EHD2: variants seen among roughly 807,000 people sequenced by gnomAD.
EHD2 encodes EH domain containing 2.
EHD2 carries 27 observed loss-of-function variants against 41.0 expected under a neutral mutation model. The observed-to-expected ratio is 0.66, with a 90% CI of 0.49 to 0.91. EHD2 has a LOEUF of 0.91. EHD2 is among the 40% of genes least tolerant of loss of function. The probability of loss-of-function intolerance (pLI) is 0.00; values close to 1 mark genes in which losing one functional copy is unlikely to be tolerated. For missense variants in EHD2, 673 were observed against 773.9 expected (o/e 0.87, Z 1.55); for synonymous variants, 342 against 341.0 (o/e 1.00, Z -0.03).
chr19:47,716,718 C>T lies in EHD2; in HGVS notation c.106C>T (p.Leu36=). 1 of 1,613,228 alleles carries T rather than the reference C, an allele frequency of 6.2e-7. No homozygotes were observed. The highest frequency in any genetic ancestry group is 8.5e-7 in the Non-Finnish European group (1 of 1,179,720). ...KELYRTKLLP[L]EEHYRFGAFH... is the part of the protein sequence containing the mutation. ...GCTGTACCGCACGAAGCTGCTGCCG[C>T]TGGAGGAGCACTACCGCTTTGGGGC... The change falls in exon 2 of 6, where the codon CTG becomes TTG. Residue 36 remains leucine (L), a synonymous_variant. Coordinates refer to ENST00000263277, the MANE Select transcript of EHD2 (RefSeq NM_014601.4).
chr19:47,714,476 A>C (rs529614648), intron 1 of EHD2, among the ~76,000 whole-genome samples: 3 of 152,198 alleles, frequency 2.0e-5, no homozygotes, highest in Admixed American at 6.6e-5. Context: ...TGATATCGGG[A>C]ATGAAAGAGG....
intron 5 of EHD2, among the ~76,000 whole-genome samples, chr19:47,738,986 C>A (rs1473654157): frequency 6.6e-6 from 1 of 152,146 alleles, no homozygotes; most frequent in Non-Finnish European, 1.5e-5. Context: ...ATGATCTGAT[C>A]ATCTCAAATC....
At chr19:47,724,132 G>T (rs1206352248) in intron 3 of EHD2, among the ~76,000 whole-genome samples, 1 of 147,482 alleles carries the variant, frequency 6.8e-6, no homozygotes, top group African/African-American at 2.5e-5. Flanking sequence ...AGACTGGAGT[G>T]CAGTGATGCT....
intron 4 of EHD2, chr19:47,731,279 A>ATT (rs1555793891): frequency 3.4e-4 from 21 of 60,930 alleles, no homozygotes; most frequent in African/African-American, 8.8e-4. Flanking sequence ...AAAAAAAAAA[A>ATT]ATATATATAT....
At chr19:47,721,878 G>A (rs1599889751) in intron 3 of EHD2, among the ~76,000 whole-genome samples, 1 of 151,732 alleles carries the variant, frequency 6.6e-6, no homozygotes, top group Admixed American at 6.6e-5. Context: ...CCACCTACTC[G>A]GGAGGCTGAG....
At chr19:47,718,035 G>A (rs1247915850) in intron 2 of EHD2, among the ~76,000 whole-genome samples, 1 of 151,552 alleles carries the variant, frequency 6.6e-6, no homozygotes, top group African/African-American at 2.4e-5. Flanking sequence ...CACTTTGGGA[G>A]GCTGAGGCGG....
At position 47,741,707 on chromosome 19, in the gene EHD2, G is replaced by A. The variant is rs748749813; in HGVS notation, c.*275G>A. ...GGCACACGCAGGCATCCATCCATCC[G>A]TCATTCATTCAAATATTTATTGAGC... is the stretch of plus-strand genomic sequence containing the variant. On this transcript the variant is annotated 3_prime_UTR_variant, in exon 6 of 6. Coordinates refer to ENST00000263277, the MANE Select transcript of EHD2 (RefSeq NM_014601.4). This position sits in a 1 kb window ranked among gnomAD's most constrained non-coding sequence, Gnocchi z 4.5. 21 of 625,562 alleles carry A rather than the reference G, an allele frequency of 3.4e-5. No individual in the cohort carries two copies. Among genetic ancestry groups the A allele is most frequent in the South Asian group, 1.7e-4 (10 of 59,700 alleles). 38.8% of individuals were successfully genotyped at this position (625,562 alleles called of 1,614,324 possible).
rs184678991 is a variant in EHD2, at chr19:47,742,012, G to A, written c.*580G>A. ...CGGCTCCATCACATCCTCAGGTCTC[G>A]GGACCATGGGGGGCTCAGAGGGGAG... On this transcript the variant is annotated 3_prime_UTR_variant, in exon 6 of 6. Transcript: ENST00000263277. 8.8e-6 allele frequency: 4 copies of A among 452,084 alleles called. No homozygotes were observed. The highest frequency in any genetic ancestry group is 4.0e-5 in the African/African-American group (2 of 50,016). 28.0% of individuals were successfully genotyped at this position (452,084 alleles called of 1,614,324 possible). A position where few individuals can be genotyped will look rare whatever the true frequency, so the allele number is the denominator to read the frequency against.
chr19:47,724,901 G>C (rs1405016878), intron 3 of EHD2, among the ~76,000 whole-genome samples: 3 of 138,658 alleles, frequency 2.2e-5, no homozygotes, highest in Non-Finnish European at 3.0e-5. Flanking sequence ...GCTTGAACCT[G>C]GGAGGTGGAG....
At chr19:47,740,789 G>C (rs1966977982) in intron 5 of EHD2, 92 bp from the exon 6 acceptor site, 1 of 1,177,542 alleles carries the variant, frequency 8.5e-7, no homozygotes, top group Non-Finnish European at 1.1e-6. Flanking sequence ...AGCTACCCCC[G>C]AGCTTCTCCA....
At chr19:47,724,217 C>T (rs1183091583) in intron 3 of EHD2, among the ~76,000 whole-genome samples, 10 of 151,852 alleles carry the variant, frequency 6.6e-5, no homozygotes, top group Admixed American at 6.6e-4. Context: ...TATGTGGGAC[C>T]ATAGGCATGA....
Position 47,731,279 on chromosome 19 carries a change from A to AAATTATAT in EHD2, c.915+5056_915+5057insATTATATA. 14 of 60,932 alleles carry AAATTATAT rather than the reference A, an allele frequency of 2.3e-4. 1 individual carries two copies. In the East Asian group the frequency reaches 5.2e-3, roughly 23 times the overall value. The allele number at this position is 60,932 out of a possible 1,614,324, so 3.8% of individuals were successfully genotyped here. A position where few individuals can be genotyped will look rare whatever the true frequency, so the allele number is the denominator to read the frequency against. On this transcript the variant is annotated intron_variant, in intron 4 of 5. Coordinates refer to ENST00000263277, the MANE Select transcript of EHD2 (RefSeq NM_014601.4). The stretch of plus-strand genomic sequence containing the variant: ...ATTTGTGATTCTTTAAAAAAAAAAA[A>AAATTATAT]ATATATATATATATATATATATACA...
intron 4 of EHD2, among the ~76,000 whole-genome samples, chr19:47,733,346 C>T (rs938419602): frequency 6.6e-6 from 1 of 151,562 alleles, no homozygotes; most frequent in African/African-American, 2.4e-5. Flanking sequence ...AGTGATCCTC[C>T]CATCTCAGCC....
At position 47,740,208 on chromosome 19, in the gene EHD2, A is replaced by T. The variant is rs536217956; in HGVS notation, c.1081-673A>T. Reference sequence around the variant, plus strand: ...TAGCAAGACTTGGTCTCTACAAAAAATTTTTAAAACTAGTTGGGCGTAGTG... The same window carrying T: ...TAGCAAGACTTGGTCTCTACAAAAATTTTTTAAAACTAGTTGGGCGTAGTG... On this transcript the variant is annotated intron_variant, in intron 5 of 5. Coordinates refer to ENST00000263277, the MANE Select transcript of EHD2 (RefSeq NM_014601.4). Among the ~76,000 whole-genome samples the T allele has an allele frequency of 4.0e-5, 6 of 150,986 alleles. No individual in the cohort carries two copies. The South Asian group carries it at 8.4e-4, about 21-fold the overall frequency.
At chr19:47,714,336 A>C (rs189784428) in intron 1 of EHD2, among the ~76,000 whole-genome samples, 2 of 152,236 alleles carry the variant, frequency 1.3e-5, no homozygotes, top group East Asian at 3.9e-4. Flanking sequence ...TTAGTGGGGA[A>C]TGGTATTTAG....
rs1973674508 is a variant in EHD2 at position 47,719,702 on chromosome 19, A to T, written c.502+1096A>T. 1.3e-5 allele frequency among the ~76,000 whole-genome samples: 2 copies of T among 152,114 alleles called. No homozygotes were observed. Among genetic ancestry groups the T allele is most frequent in the Admixed American group, 1.3e-4 (2 of 15,276 alleles). On this transcript the variant is annotated intron_variant, in intron 3 of 5. Transcript: ENST00000263277. The surrounding 1 kb of genome is among the most constrained non-coding windows in gnomAD (Gnocchi z 4.1). The stretch of plus-strand genomic sequence containing the variant: ...TCCAGAGGCCCCACGGGAGAAAGGC[A>T]GGAGGCAGCTGCAGAAACGATTGGG...
intron 3 of EHD2, 94 bp from the exon 4 acceptor site, chr19:47,725,718 A>C: frequency 1.4e-6 from 2 of 1,462,438 alleles, no homozygotes; most frequent in Non-Finnish European, 1.8e-6. Context: ...TTTACAGTCC[A>C]ATATGCAAGA....
At chr19:47,726,807 T>C (rs1973758170) in intron 4 of EHD2, among the ~76,000 whole-genome samples, 1 of 152,114 alleles carries the variant, frequency 6.6e-6, no homozygotes, top group Non-Finnish European at 1.5e-5. Context: ...CTGCCCCAAG[T>C]AGCTGAGACC....
Position 47,726,011 on chromosome 19 carries a change from C to T in EHD2, c.702C>T (p.Gly234=). The part of the protein sequence containing the change: ...VETQQLMRVY[G]ALMWALGKVV... ...CGCAGCAGCTGATGCGCGTCTACGG[C>T]GCGCTCATGTGGGCGCTGGGCAAGG... Residue 234 remains glycine, a synonymous_variant, in exon 4 of 6, where the codon GGC becomes GGT. Transcript: ENST00000263277. The T allele has an allele frequency of 6.2e-7, 1 of 1,604,528 alleles. No individual in the cohort carries two copies. Among genetic ancestry groups the T allele is most frequent in the Non-Finnish European group, 8.5e-7 (1 of 1,174,560 alleles).
Sources: gnomAD v4.1 joint callset for allele counts (sites outside exome capture counted in the v4.1 genomes callset) on GRCh38, gnomAD v4.1.1 for gene constraint, Gnocchi (gnomAD v3.1) non-coding constraint, MANE v1.5 for transcripts, NCBI Gene and HGNC (gene_info 2026-07-23, HGNC 2026-07-21) for gene names.